The following PCM1 variants were observed in gnomAD, a reference collection of about 807,000 sequenced individuals.
The protein encoded by PCM1 is pericentriolar material 1 protein.
A neutral mutation model predicts 241.9 loss-of-function variants in PCM1; 157 were observed. The ratio of observed to expected loss-of-function variants is 0.65; its 90% CI spans 0.57 to 0.74. PCM1 has a LOEUF of 0.74. Among genes scored for constraint, PCM1 ranks in the 30% least tolerant of loss-of-function variants. The pLI is 0.00. For synonymous variants in PCM1, 1,085 were observed against 784.9 expected, an observed-to-expected ratio of 1.38 and a Z score of -6.39; for missense variants, 3,478 against 2,360.1, an observed-to-expected ratio of 1.47 and a Z score of -9.81.
intron 2 of PCM1, among the ~76,000 whole-genome samples, chr8:17,930,718 G>C (rs1476577045): frequency 6.6e-6 from 1 of 151,734 alleles, no homozygotes; most frequent in East Asian, 2.0e-4. Context: ...CTCTACTAAA[G>C]ATACAACAAA....
chr8:17,983,226 C>G (rs758762873), intron 24 of PCM1: 13 of 1,315,884 alleles, frequency 9.9e-6, no homozygotes, highest in Non-Finnish European at 1.3e-5. Context: ...TCTGCCCTTT[C>G]CTACAGCACA....
intron 9 of PCM1, among the ~76,000 whole-genome samples, chr8:17,953,845 G>T (rs970677060): frequency 6.6e-6 from 1 of 152,068 alleles, no homozygotes; most frequent in African/African-American, 2.4e-5. Flanking sequence ...AGTAATAGAG[G>T]CTCAAGCATT....
rs2068644218 is a variant in PCM1, at chr8:17,956,661, T to C, written c.1530T>C (p.Tyr510=). 6.2e-7 allele frequency: 1 copy of C among 1,602,438 alleles called. No homozygotes were observed. Among genetic ancestry groups the C allele is most frequent in the Non-Finnish European group, 8.5e-7 (1 of 1,172,268 alleles). The part of the protein sequence containing the change: ...LNELRELVHY[Y]EQTSDMMTDA... ...AGCTAAGAGAATTAGTTCATTATTA[T>C]GAACAAACGTCAGACATGATGACAG... The change falls in exon 11 of 39, where the codon TAT becomes TAC. Residue 510 remains tyrosine (Y), a synonymous_variant. Coordinates refer to ENST00000325083, the MANE Select transcript of PCM1 (RefSeq NM_006197.4).
At chr8:17,963,462 C>T (rs1036842560) in intron 17 of PCM1, among the ~76,000 whole-genome samples, 171 bp downstream of exon 17, 1 of 152,228 alleles carries the variant, frequency 6.6e-6, no homozygotes. Context: ...CAGCCACTTT[C>T]TGTTCTGACT....
In PCM1 at chr8:18,011,819, G is replaced by A; in HGVS notation, c.5503G>A (p.Asp1835Asn). ...TGAAGCTACTGAAGAAAATGAACAT[G>A]ATGAACAGGTATTCCCGTATTGACT... ...NTEATEENEH[D>N]EQVLQRDFKK... Residue 1835 changes from aspartate to asparagine, a missense_variant, in exon 34 of 39, where the codon GAT becomes AAT. Transcript: ENST00000325083. 6.2e-7 allele frequency: 1 copy of A among 1,612,626 alleles called. No individual in the cohort carries two copies. The highest frequency in any genetic ancestry group is 8.5e-7 in the Non-Finnish European group (1 of 1,179,476).
At chr8:17,941,322 C>G (rs896652343) in intron 6 of PCM1, among the ~76,000 whole-genome samples, 1 of 152,098 alleles carries the variant, frequency 6.6e-6, no homozygotes, top group Non-Finnish European at 1.5e-5. Flanking sequence ...ATGGCAATTT[C>G]TTTCATAATA....
chr8:17,993,274 A>T lies in PCM1; in HGVS notation c.4691-209A>T, dbSNP rs147708293. Among the ~76,000 whole-genome samples, 286 of 152,238 alleles carry T rather than the reference A, an allele frequency of 1.9e-3. 3 individuals carry two copies. The highest frequency in any genetic ancestry group is 0.012 in the Admixed American group (188 of 15,288). On this transcript the variant is annotated intron_variant, in intron 28 of 38. Coordinates refer to ENST00000325083, the MANE Select transcript of PCM1 (RefSeq NM_006197.4). ...ATTGATTACAAGTAATAATAATTCTATGTAAAAAATTTAAATATGTGATAT... is the reference window on the plus strand; with the variant it reads ...ATTGATTACAAGTAATAATAATTCTTTGTAAAAAATTTAAATATGTGATAT...
Position 17,966,142 on chromosome 8 carries a change from A to C in PCM1, c.2999A>C (p.Gln1000Pro). The change falls in exon 19 of 39, where the codon CAA becomes CCA. Residue 1000 changes from glutamine to proline, a missense_variant. Gln to Pro is a moderately conservative substitution (Grantham distance 76). Transcript: ENST00000325083. ...LSYVEEKEQW[Q>P]EQINQLKKQL... ...TACGTAGAAGAGAAAGAACAATGGCAAGAACAAATCAATCAGCTAAAGAAA... is the reference window on the plus strand; with the variant it reads ...TACGTAGAAGAGAAAGAACAATGGCCAGAACAAATCAATCAGCTAAAGAAA... 6.2e-7 allele frequency: 1 copy of C among 1,614,010 alleles called. No individual in the cohort carries two copies. The highest frequency in any genetic ancestry group is 8.5e-7 in the Non-Finnish European group (1 of 1,179,884).
chr8:17,998,523 C>CT (rs1564280360), intron 29 of PCM1, among the ~76,000 whole-genome samples: 3 of 152,152 alleles, frequency 2.0e-5, no homozygotes, highest in African/African-American at 7.2e-5. Flanking sequence ...AATGGAATCT[C>CT]TGTGTTGAAA....
chr8:17,981,846 G>A (rs1308812445), intron 24 of PCM1, among the ~76,000 whole-genome samples: 1 of 151,530 alleles, frequency 6.6e-6, no homozygotes, highest in Non-Finnish European at 1.5e-5. Context: ...AGCTTCAGAA[G>A]TCATGCCCTT....
rs772824068 is a variant in PCM1 at position 17,972,436 on chromosome 8, C to T, written c.3692C>T (p.Ser1231Phe). 34 of 1,612,672 alleles carry T rather than the reference C, an allele frequency of 2.1e-5. No individual in the cohort carries two copies. The highest frequency in any genetic ancestry group is 8.4e-5 in the Admixed American group (5 of 59,878). The change falls in exon 23 of 39, where the codon TCT (serine) becomes TTT (phenylalanine). Residue 1231 changes from serine to phenylalanine, a missense_variant. Coordinates refer to ENST00000325083, the MANE Select transcript of PCM1 (RefSeq NM_006197.4). Reference sequence around the variant, plus strand: ...TTTATCAAGACTGGATTTTCAGTGTCTGTAGAAAAATCTACAAGTAGTAAC... The same window carrying T: ...TTTATCAAGACTGGATTTTCAGTGTTTGTAGAAAAATCTACAAGTAGTAAC... ...KPFIKTGFSV[S>F]VEKSTSSNRK... is the part of the protein sequence containing the mutation.
At chr8:17,951,180 G>C (rs928439971) in intron 8 of PCM1, among the ~76,000 whole-genome samples, 4 of 152,202 alleles carry the variant, frequency 2.6e-5, no homozygotes, top group African/African-American at 9.7e-5. Context: ...CTTAATTTGA[G>C]AGTTAGCAAG....
intron 13 of PCM1, among the ~76,000 whole-genome samples, chr8:17,958,798 T>C (rs955248965): frequency 6.6e-6 from 1 of 152,170 alleles, no homozygotes; most frequent in Non-Finnish European, 1.5e-5. Flanking sequence ...TTTGGCTCAC[T>C]GCAAGCTCCA....
chr8:18,026,187 A>C (rs2094191653), intron 38 of PCM1, among the ~76,000 whole-genome samples: 1 of 149,444 alleles, frequency 6.7e-6, no homozygotes, highest in South Asian at 2.1e-4. Flanking sequence ...AAAAAAAAAA[A>C]AAAAAAAAAA....
At chr8:17,986,124 T>G in intron 26 of PCM1, 37 bp downstream of exon 26, 1 of 1,379,770 alleles carries the variant, frequency 7.2e-7, no homozygotes, top group Non-Finnish European at 9.7e-7. Context: ...TAGATATAAT[T>G]TTAGTATGCA....
At chr8:17,976,868 G>T (rs910715345) in intron 23 of PCM1, among the ~76,000 whole-genome samples, 4 of 146,396 alleles carry the variant, frequency 2.7e-5, no homozygotes, top group Non-Finnish European at 6.0e-5. Context: ...TATAAAACCA[G>T]TTTTTTTTTT....
intron 36 of PCM1, among the ~76,000 whole-genome samples, chr8:18,021,431 T>C (rs1004030425): frequency 2.0e-5 from 3 of 152,330 alleles, no homozygotes; most frequent in African/African-American, 4.8e-5. Flanking sequence ...GCCACCCTCA[T>C]TGAGGTATCA....
intron 4 of PCM1, among the ~76,000 whole-genome samples, chr8:17,937,585 C>G (rs1398712808): frequency 6.6e-6 from 1 of 152,142 alleles, no homozygotes; most frequent in Non-Finnish European, 1.5e-5. Context: ...TTGCTAAAGA[C>G]ATGCATTTCT....
At position 17,956,615 on chromosome 8, in the gene PCM1, A is replaced by G. The variant is rs762598993; in HGVS notation, c.1484A>G (p.Glu495Gly). The change falls in exon 11 of 39, where the codon GAA (glutamate) becomes GGA (glycine). Residue 495 changes from glutamate (E) to glycine (G), a missense_variant. Coordinates refer to ENST00000325083, the MANE Select transcript of PCM1 (RefSeq NM_006197.4). ...TTTTTGTTTATCAGGAAGTTAAATG[A>G]AGTTCGAAAGAGATTGAATGAGCTA... is the stretch of plus-strand genomic sequence containing the variant. ...NPSEKLQKLN[E>G]VRKRLNELRE... The G allele has an allele frequency of 6.3e-7, 1 of 1,586,240 alleles. No homozygotes were observed. The highest frequency in any genetic ancestry group is 1.2e-5 in the South Asian group (1 of 86,392).
Sources: allele counts gnomAD v4.1 joint callset (sites outside exome capture counted in the v4.1 genomes callset), GRCh38; gene constraint gnomAD v4.1.1; transcripts MANE v1.5; gene names NCBI Gene and HGNC (gene_info 2026-07-23, HGNC 2026-07-21).